Variants in ADAM23 observed in about 807,000 individuals in gnomAD.
ADAM23 encodes disintegrin and metalloproteinase domain-containing protein 23.
Under a neutral mutation model 120.1 loss-of-function variants are expected in ADAM23, and 33 were observed. That is an observed-to-expected ratio of 0.27 (90% confidence interval 0.21 to 0.37). The LOEUF (loss-of-function observed/expected upper bound fraction) is 0.37. Ranked by LOEUF, ADAM23 falls within the 10% of genes least tolerant of loss-of-function variation. ADAM23 has a pLI of 1.00. For missense variants in ADAM23, 862 were observed against 1,058.2 expected (o/e 0.81, Z 2.57); for synonymous variants, 367 against 375.2 (o/e 0.98, Z 0.25).
chr2:206,583,263 GC>G (rs1278061181), intron 18 of ADAM23, among the ~76,000 whole-genome samples: 4 of 152,108 alleles, frequency 2.6e-5, no homozygotes, highest in Non-Finnish European at 5.9e-5. Flanking sequence ...GACCATCCTG[GC>G]TGACGCAGTG....
chr2:206,539,744 A>T (rs558765910), intron 4 of ADAM23, among the ~76,000 whole-genome samples: 1 of 152,088 alleles, frequency 6.6e-6, no homozygotes, highest in Non-Finnish European at 1.5e-5. Context: ...CTCTCTCAGG[A>T]TTTATTTTAT....
At chr2:206,477,901 T>TATATATATA (rs1553548686) in intron 2 of ADAM23, among the ~76,000 whole-genome samples, 3 of 122,230 alleles carry the variant, frequency 2.5e-5, no homozygotes, top group African/African-American at 1.0e-4. Flanking sequence ...AAAAAAAATA[T>TATATATATA]ATATATATAT....
chr2:206,520,456 A>G (rs1018148872), intron 3 of ADAM23, among the ~76,000 whole-genome samples: 2 of 152,240 alleles, frequency 1.3e-5, no homozygotes, highest in African/African-American at 4.8e-5. Flanking sequence ...ACTTACAGTG[A>G]AAGAATTTAA....
chr2:206,481,983 A>T (rs756300294), intron 3 of ADAM23, among the ~76,000 whole-genome samples: 18 of 152,190 alleles, frequency 1.2e-4, no homozygotes, highest in Non-Finnish European at 2.4e-4. Flanking sequence ...GAGATTTTCT[A>T]TGTGGTTTTC....
intron 3 of ADAM23, among the ~76,000 whole-genome samples, chr2:206,528,961 A>G (rs183758472): frequency 1.3e-5 from 2 of 152,304 alleles, no homozygotes; most frequent in East Asian, 3.9e-4. Context: ...AATGCGAGTT[A>G]TCACTTGTCA....
Position 206,444,038 on chromosome 2 carries a change from G to A in ADAM23, c.172G>A (p.Ala58Thr), listed in dbSNP as rs1283838628. 2.1e-6 allele frequency: 3 copies of A among 1,407,320 alleles called. No homozygotes were observed. The highest frequency in any genetic ancestry group is 5.0e-5 in the Admixed American group (2 of 40,054). The allele number at this position is 1,407,320 out of a possible 1,614,324, so 87.2% of individuals were successfully genotyped here. The change falls in exon 1 of 26, where the codon GCC (alanine) becomes ACC (threonine). Residue 58 changes from alanine to threonine, a missense_variant. Ala to Thr is a moderately conservative substitution (Grantham distance 58). Coordinates refer to ENST00000264377, the MANE Select transcript of ADAM23 (RefSeq NM_003812.4). ...CCTTCTCCTGCTGCCTCCGCTCGCC[G>A]CCTCGTCCCGGCCCCGCGCCTGGGG... ...LVLLLLPPLA[A>T]SSRPRAWGAA...
intron 25 of ADAM23, among the ~76,000 whole-genome samples, chr2:206,617,059 G>A (rs1298099866): frequency 6.6e-6 from 1 of 152,062 alleles, no homozygotes; most frequent in African/African-American, 2.4e-5. Context: ...TTCTATAGTG[G>A]AGTAAGAGCT....
At chr2:206,452,372 G>A (rs4338946) in intron 2 of ADAM23, among the ~76,000 whole-genome samples, 9,837 of 152,304 alleles carry the variant, frequency 0.065, 498 homozygotes, top group Admixed American at 0.12. Context: ...GCTTCAGCAT[G>A]TGTCCCTAAA....
At chr2:206,561,764 A>G (rs1697772866) in intron 12 of ADAM23, among the ~76,000 whole-genome samples, 1 of 152,202 alleles carries the variant, frequency 6.6e-6, no homozygotes, top group African/African-American at 2.4e-5. Context: ...AACCAATTAT[A>G]TCTAAACTCT....
At chr2:206,550,309 G>A (rs1697487603) in intron 9 of ADAM23, 149 bp downstream of exon 9, 1 of 423,122 alleles carries the variant, frequency 2.4e-6, no homozygotes, top group Admixed American at 4.5e-5. Context: ...GGTGTTTGGA[G>A]ACTCTGAGTT....
At chr2:206,470,066 CCATCCCCCA>C (rs1695622106) in intron 2 of ADAM23, among the ~76,000 whole-genome samples, 2 of 152,092 alleles carry the variant, frequency 1.3e-5, no homozygotes, top group Non-Finnish European at 2.9e-5. Flanking sequence ...GTTGTATTAG[CCATCCCCCA>C]CAAAACACAC....
intron 9 of ADAM23, 124 bp downstream of exon 9, chr2:206,550,284 CTTGAT>C (rs894070137): frequency 4.2e-5 from 20 of 479,368 alleles, no homozygotes; most frequent in African/African-American, 4.0e-4. Flanking sequence ...TATTAAGTGA[CTTGAT>C]TTATTTGTCG....
chr2:206,576,548 T>C (rs907398384), intron 18 of ADAM23, among the ~76,000 whole-genome samples: 5 of 152,076 alleles, frequency 3.3e-5, no homozygotes, highest in African/African-American at 1.2e-4. Context: ...AAAATAGAAG[T>C]AGAGGGAGTT....
At chr2:206,591,360 TAG>T (rs1384919721) in intron 21 of ADAM23, among the ~76,000 whole-genome samples, 9 of 152,340 alleles carry the variant, frequency 5.9e-5, no homozygotes, top group African/African-American at 2.2e-4. Flanking sequence ...TGCTTTTCTT[TAG>T]AGTTTTACTG....
intron 3 of ADAM23, among the ~76,000 whole-genome samples, chr2:206,496,368 C>T (rs28832358): frequency 0.14 from 20,969 of 152,116 alleles, 2,098 homozygotes; most frequent in African/African-American, 0.27. Context: ...CGCTCAACTA[C>T]ATGGAAACTG....
At chr2:206,571,271 A>C (rs1243517387) in intron 16 of ADAM23, among the ~76,000 whole-genome samples, 2 of 151,746 alleles carry the variant, frequency 1.3e-5, no homozygotes, top group African/African-American at 4.8e-5. Context: ...GTCAGGAGAT[A>C]GAGACCATCC....
chr2:206,570,853 C>T (rs772692234), intron 16 of ADAM23, 42 bp downstream of exon 16: 4 of 1,552,492 alleles, frequency 2.6e-6, no homozygotes, highest in African/African-American at 2.7e-5. Context: ...ACAGATCTTA[C>T]TTGGTGCAAA....
chr2:206,469,330 A>G (rs1397121726), intron 2 of ADAM23, among the ~76,000 whole-genome samples: 1 of 152,146 alleles, frequency 6.6e-6, no homozygotes. Flanking sequence ...CTCAGGCCAG[A>G]CATTTTAGAG....
At position 206,592,912 on chromosome 2, in the gene ADAM23, A is replaced by T. The variant is rs562337645; in HGVS notation, c.2078+176A>T. On this transcript the variant is annotated intron_variant, in intron 22 of 25. Coordinates refer to ENST00000264377, the MANE Select transcript of ADAM23 (RefSeq NM_003812.4). Reference sequence around the variant, plus strand: ...GTCACTTAAAAAGAAACAAAGTTGTATATTGACTTGCAGCTTACATTTGCT... The same window carrying T: ...GTCACTTAAAAAGAAACAAAGTTGTTTATTGACTTGCAGCTTACATTTGCT... 1.4e-4 allele frequency among the ~76,000 whole-genome samples: 22 copies of T among 152,328 alleles called. No individual in the cohort carries two copies. The East Asian group carries it at 4.2e-3, about 29-fold the overall frequency.
Sources: gnomAD v4.1 joint callset for allele counts (sites outside exome capture counted in the v4.1 genomes callset) on GRCh38, gnomAD v4.1.1 for gene constraint, MANE v1.5 for transcripts, NCBI Gene and HGNC (gene_info 2026-07-23, HGNC 2026-07-21) for gene names.